The following SEC24A variants were observed in gnomAD, a reference collection of about 807,000 sequenced individuals.
The protein encoded by SEC24A is SEC24 homolog A, COPII component.
A neutral mutation model predicts 129.4 loss-of-function variants in SEC24A; 93 were observed. That is an observed-to-expected ratio of 0.72 (90% CI 0.61 to 0.85). The LOEUF is 0.85. Ranked by LOEUF, SEC24A falls within the 40% of genes least tolerant of loss-of-function variation. SEC24A has a pLI of 0.00. For synonymous variants in SEC24A, 460 were observed against 467.3 expected, an observed-to-expected ratio of 0.98 and a Z score of 0.20; for missense variants, 1,264 against 1,307.4, an observed-to-expected ratio of 0.97 and a Z score of 0.51.
intron 5 of SEC24A, 76 bp downstream of exon 5, chr5:134,674,851 A>G (rs1434880388): frequency 2.3e-6 from 3 of 1,305,346 alleles, no homozygotes; most frequent in Non-Finnish European, 3.2e-6. Context: ...AAGTTTTAGG[A>G]AGGTATATTA....
chr5:134,715,499 C>G (rs1752449988), intron 19 of SEC24A: 1 of 204,174 alleles, frequency 4.9e-6, no homozygotes, highest in African/African-American at 2.4e-5. Flanking sequence ...GCTTCAGCAG[C>G]AAATATACTA....
intron 1 of SEC24A, among the ~76,000 whole-genome samples, chr5:134,652,166 C>T (rs972584267): frequency 6.6e-6 from 1 of 152,132 alleles, no homozygotes; most frequent in Non-Finnish European, 1.5e-5. Flanking sequence ...AGGTGATCCG[C>T]CCGCGTCGGC....
At chr5:134,682,270 T>G (rs1174796067) in intron 8 of SEC24A, 103 bp from the exon 9 acceptor site, 1 of 613,108 alleles carries the variant, frequency 1.6e-6, no homozygotes, top group Non-Finnish European at 2.9e-6. Context: ...TAATTGACAT[T>G]TAATGAATGT....
chr5:134,661,821 C>CTTTTTT (rs70976551), intron 2 of SEC24A, among the ~76,000 whole-genome samples: 1 of 77,848 alleles, frequency 1.3e-5, no homozygotes. Context: ...TCTTTTTTCT[C>CTTTTTT]TTTTTTTTTT....
In SEC24A at chr5:134,674,747, AC is replaced by A; in HGVS notation, c.953del (p.Pro318GlnfsTer12). 1 of 1,613,550 alleles carries A rather than the reference AC, an allele frequency of 6.2e-7. No individual in the cohort carries two copies. Among genetic ancestry groups the A allele is most frequent in the Non-Finnish European group, 8.5e-7 (1 of 1,179,772 alleles). ...GGAGTACCACCCTCTTCCTTGAATT[AC>A]CCAAGTGGGCCACAAGCCTTTACTC... ...ATGVPPSSLN[Y>X]PSGPQAFTQT... On this transcript the variant is annotated frameshift_variant, in exon 5 of 23. Coordinates refer to ENST00000398844, the MANE Select transcript of SEC24A (RefSeq NM_021982.3). LOFTEE classifies it high-confidence loss of function.
At chr5:134,704,543 G>A (rs1217684538) in intron 16 of SEC24A, among the ~76,000 whole-genome samples, 1 of 152,180 alleles carries the variant, frequency 6.6e-6, no homozygotes, top group East Asian at 1.9e-4. Context: ...GTGGTGGTCT[G>A]TAAACCTAGC....
intron 12 of SEC24A, 146 bp downstream of exon 12, chr5:134,692,803 C>A: frequency 1.4e-6 from 1 of 715,846 alleles, no homozygotes; most frequent in Non-Finnish European, 2.5e-6. Context: ...ATTAGATGAA[C>A]AGCTCTTGAG....
rs1750459953 is a variant in SEC24A at position 134,661,484 on chromosome 5, G to C, written c.463G>C (p.Ala155Pro). Reference sequence around the variant, plus strand: ...CTCACAAACAAACCATTGTCCTCGTGCATCATCCCAACCAACTGTATCTGG... The same window carrying C: ...CTCACAAACAAACCATTGTCCTCGTCCATCATCCCAACCAACTGTATCTGG... ...TASQTNHCPR[A>P]SSQPTVSGNT... Residue 155 changes from alanine (A) to proline (P), a missense_variant, in exon 2 of 23, where the codon GCA (alanine) becomes CCA (proline). Physicochemically the swap from Ala to Pro is conservative, Grantham distance 27. Transcript: ENST00000398844. 1 of 1,614,130 alleles carries C rather than the reference G, an allele frequency of 6.2e-7. No individual in the cohort carries two copies. Among genetic ancestry groups the C allele is most frequent in the Non-Finnish European group, 8.5e-7 (1 of 1,180,010 alleles).
rs1269209552 is a variant in SEC24A at position 134,697,960 on chromosome 5, C to T, written c.2169C>T (p.His723=). 2.5e-6 allele frequency: 4 copies of T among 1,613,728 alleles called. No individual in the cohort carries two copies. The highest frequency in any genetic ancestry group is 2.5e-6 in the Non-Finnish European group (3 of 1,179,804). The part of the protein sequence containing the change: ...VYYYPSYHHQ[H]NPVQVQKLQK... ...ACTATCCCTCTTACCATCATCAGCA[C>T]AACCCAGTCCAAGTACAGAAATTAC... Residue 723 remains histidine (H), a synonymous_variant, in exon 15 of 23, where the codon CAC becomes CAT. Transcript: ENST00000398844.
chr5:134,654,718 G>T (rs1027147482), intron 1 of SEC24A, among the ~76,000 whole-genome samples: 20 of 151,784 alleles, frequency 1.3e-4, no homozygotes, highest in Admixed American at 1.3e-3. Context: ...GTTTTGTTTT[G>T]TTTTGTTTTG....
chr5:134,670,428 G>C (rs1002429891), intron 3 of SEC24A, among the ~76,000 whole-genome samples: 4 of 152,126 alleles, frequency 2.6e-5, no homozygotes, highest in Non-Finnish European at 5.9e-5. Context: ...TTTGTACTTA[G>C]GTGCTAGAGG....
intron 4 of SEC24A, among the ~76,000 whole-genome samples, chr5:134,673,718 C>T (rs1282947518): frequency 6.6e-6 from 1 of 152,160 alleles, no homozygotes; most frequent in East Asian, 1.9e-4. Context: ...CCTCAGCCTC[C>T]CAAAGTGCTG....
chr5:134,666,023 C>T (rs1256904818), intron 2 of SEC24A, among the ~76,000 whole-genome samples: 3 of 152,098 alleles, frequency 2.0e-5, no homozygotes, highest in African/African-American at 7.2e-5. Context: ...CAGTGGCTCA[C>T]GCCTGTAATC....
At chr5:134,712,379 T>C (rs1752353929) in intron 18 of SEC24A, among the ~76,000 whole-genome samples, 1 of 151,320 alleles carries the variant, frequency 6.6e-6, no homozygotes, top group Non-Finnish European at 1.5e-5. Flanking sequence ...GCCTCCAGAG[T>C]AGCTGGGATT....
chr5:134,663,939 C>T (rs1385316661), intron 2 of SEC24A, among the ~76,000 whole-genome samples: 1 of 151,982 alleles, frequency 6.6e-6, no homozygotes, highest in East Asian at 1.9e-4. Context: ...GTGAAAACCT[C>T]GTGTCTACTA....
At chr5:134,661,086 G>A in intron 1 of SEC24A, 33 bp from the exon 2 acceptor site, 2 of 1,446,230 alleles carry the variant, frequency 1.4e-6, no homozygotes, top group Non-Finnish European at 1.9e-6. Context: ...TATATTCGTT[G>A]GTAAGACTAA....
At chr5:134,724,147 C>T (rs1448441222) in intron 22 of SEC24A, among the ~76,000 whole-genome samples, 1 of 152,148 alleles carries the variant, frequency 6.6e-6, no homozygotes. Flanking sequence ...GCCTCCTAGC[C>T]TCTAATAACC....
intron 10 of SEC24A, among the ~76,000 whole-genome samples, chr5:134,687,158 C>T (rs1279237569): frequency 6.6e-6 from 1 of 152,104 alleles, no homozygotes; most frequent in Non-Finnish European, 1.5e-5. Flanking sequence ...TTTGCTTAAT[C>T]TCATCCTTCC....
intron 15 of SEC24A, among the ~76,000 whole-genome samples, chr5:134,698,477 C>T (rs567953583): frequency 6.6e-6 from 1 of 151,622 alleles, no homozygotes; most frequent in Non-Finnish European, 1.5e-5. Context: ...TGGTGGTGCA[C>T]GTCTGTAGTC....
Sources: gnomAD v4.1 joint callset for allele counts (sites outside exome capture counted in the v4.1 genomes callset) on GRCh38, gnomAD v4.1.1 for gene constraint, MANE v1.5 for transcripts, NCBI Gene and HGNC (gene_info 2026-07-23, HGNC 2026-07-21) for gene names.